The following ZNF682 variants were observed in gnomAD, a reference collection of about 807,000 sequenced individuals.
ZNF682 encodes zinc finger protein 682.
A neutral mutation model predicts 36.5 loss-of-function variants in ZNF682; 29 were observed. The observed-to-expected ratio is 0.80, with a 90% CI of 0.59 to 1.08. The LOEUF is 1.08. ZNF682 is among the 50% of genes least tolerant of loss of function. The probability of loss-of-function intolerance (pLI) is 0.00; values close to 1 mark genes in which losing one functional copy is unlikely to be tolerated. For missense variants in ZNF682, 561 were observed against 579.7 expected (o/e 0.97, Z 0.33); for synonymous variants, 180 against 197.0 (o/e 0.91, Z 0.72).
At chr19:20,010,662 AT>A (rs1238269350) in intron 3 of ZNF682, among the ~76,000 whole-genome samples, 1 of 151,924 alleles carries the variant, frequency 6.6e-6, no homozygotes, top group African/African-American at 2.4e-5. Flanking sequence ...GTCTCAAAAA[AT>A]ATATTAAAAA....
In ZNF682 at chr19:20,005,923, TTG is replaced by T; in HGVS notation, c.*80_*81del. On this transcript the variant is annotated 3_prime_UTR_variant, in exon 4 of 4. Coordinates refer to ENST00000397165, the MANE Select transcript of ZNF682 (RefSeq NM_033196.3). Reference sequence around the variant, plus strand: ...GTGTTTCTCTCCAGTATGAATTATCTTGTGATTTCAATGCCTTGAGCAAGATT... The same window carrying T: ...GTGTTTCTCTCCAGTATGAATTATCTTGATTTCAATGCCTTGAGCAAGATT... 7.6e-7 allele frequency: 1 copy of T among 1,318,642 alleles called. No individual in the cohort carries two copies. The highest frequency in any genetic ancestry group is 1.0e-6 in the Non-Finnish European group (1 of 957,090). 81.7% of individuals were successfully genotyped at this position (1,318,642 alleles called of 1,614,324 possible).
At chr19:20,002,630 T>C (rs1168057103), downstream of ZNF682, among the ~76,000 whole-genome samples, 5 of 152,136 alleles carry the variant, frequency 3.3e-5, no homozygotes, top group Non-Finnish European at 7.3e-5. Context: ...TATTAAATGG[T>C]GATGTCCTCA....
rs537422255 is a variant in ZNF682, at chr19:20,038,549, TG to T, written c.3+793del. Among the ~76,000 whole-genome samples, 94 of 150,728 alleles carry T rather than the reference TG, an allele frequency of 6.2e-4. 1 individual carries two copies. Among genetic ancestry groups the T allele is most frequent in the African/African-American group, 2.2e-3 (91 of 40,990 alleles). On this transcript the variant is annotated intron_variant, in intron 1 of 3. Coordinates refer to ENST00000397165, the MANE Select transcript of ZNF682 (RefSeq NM_033196.3). ...AAAATCCAAGAGAAAACCACTTCTG[TG>T]GAGTGTTAAATAAATAGCAGGCAGT...
chr19:20,001,526 C>G (rs1335389302), downstream of ZNF682, among the ~76,000 whole-genome samples: 2 of 152,138 alleles, frequency 1.3e-5, no homozygotes, highest in Admixed American at 6.5e-5. Flanking sequence ...CCTGGTATAA[C>G]ATCCTATTTC....
intron 1 of ZNF682, among the ~76,000 whole-genome samples, chr19:20,032,558 A>T (rs2088488488): frequency 6.6e-6 from 1 of 152,164 alleles, no homozygotes; most frequent in South Asian, 2.1e-4. Context: ...TCTAGGGTGA[A>T]GTCTGATGGG....
At chr19:20,028,870 A>G (rs1185443499) in intron 1 of ZNF682, among the ~76,000 whole-genome samples, 2 of 152,148 alleles carry the variant, frequency 1.3e-5, no homozygotes, top group East Asian at 3.9e-4. Context: ...AGATGACATA[A>G]TGTGAATTTA....
In ZNF682 at chr19:20,006,095, A is replaced by G. The variant is rs1327098418; in HGVS notation, c.1407T>C (p.Asn469=). The G allele has an allele frequency of 1.9e-6, 3 of 1,613,980 alleles. No individual in the cohort carries two copies. Among genetic ancestry groups the G allele is most frequent in the Non-Finnish European group, 2.5e-6 (3 of 1,180,010 alleles). The part of the protein sequence containing the change: ...GKAFKRCSHL[N]EHKRVQRGEK... ...CTCCTCTTTGAACTCTCTTATGTTC[A>G]TTAAGATGTGAGCACCGTTTAAAAG... The change falls in exon 4 of 4, where the codon AAT becomes AAC. Residue 469 remains asparagine (N), a synonymous_variant. Coordinates refer to ENST00000397165, the MANE Select transcript of ZNF682 (RefSeq NM_033196.3).
chr19:20,035,558 G>A (rs1269238426), intron 1 of ZNF682, among the ~76,000 whole-genome samples: 1 of 151,868 alleles, frequency 6.6e-6, no homozygotes, highest in Non-Finnish European at 1.5e-5. Context: ...AATATCTTAG[G>A]ATAAACAATT....
chr19:20,036,376 G>A (rs961582418), intron 1 of ZNF682, among the ~76,000 whole-genome samples: 17 of 95,568 alleles, frequency 1.8e-4, no homozygotes, highest in Non-Finnish European at 3.5e-4. Context: ...GGAGTGAAGT[G>A]GGCAGATCAC....
At chr19:20,031,132 C>T (rs2088475949) in intron 1 of ZNF682, 1 of 152,242 alleles carries the variant, frequency 6.6e-6, no homozygotes, top group South Asian at 2.1e-4. Flanking sequence ...ACAGAATAGA[C>T]AATAGAACTT....
intron 3 of ZNF682, among the ~76,000 whole-genome samples, chr19:20,021,499 A>G (rs967999876): frequency 3.3e-5 from 5 of 151,578 alleles, no homozygotes; most frequent in Admixed American, 3.3e-4. Context: ...AAAGAAAACA[A>G]AAAACAACAA....
chr19:20,022,164 G>A (rs1255780524), intron 3 of ZNF682, among the ~76,000 whole-genome samples: 21 of 137,796 alleles, frequency 1.5e-4, no homozygotes, highest in African/African-American at 5.5e-4. Flanking sequence ...GTGAAACTCC[G>A]TCGCAAAAAA....
At chr19:20,001,847 G>A (rs536411647), downstream of ZNF682, among the ~76,000 whole-genome samples, 1 of 152,252 alleles carries the variant, frequency 6.6e-6, no homozygotes, top group East Asian at 1.9e-4. Flanking sequence ...GAACTCACAA[G>A]CTTAATTACC....
downstream of ZNF682, among the ~76,000 whole-genome samples, chr19:20,004,256 G>A (rs535274940): frequency 2.0e-5 from 3 of 152,196 alleles, no homozygotes; most frequent in South Asian, 2.1e-4. Flanking sequence ...ATTCTCCAAC[G>A]TATTTGAAGT....
Position 20,039,464 on chromosome 19 carries a change from A to C in ZNF682, c.-119T>G. 1 of 1,365,748 alleles carries C rather than the reference A, an allele frequency of 7.3e-7. No homozygotes were observed. Among genetic ancestry groups the C allele is most frequent in the Non-Finnish European group, 1.0e-6 (1 of 987,554 alleles). 84.6% of individuals were successfully genotyped at this position (1,365,748 alleles called of 1,614,324 possible). ...CTACTAGAGCAGAGGATACTAAGCA[A>C]TGAAGATGGACCCTGAGCTCTGGCT... On this transcript the variant is annotated 5_prime_UTR_variant, in exon 1 of 4. Coordinates refer to ENST00000397165, the MANE Select transcript of ZNF682 (RefSeq NM_033196.3).
intron 3 of ZNF682, among the ~76,000 whole-genome samples, chr19:20,009,754 C>T (rs1281583345): frequency 6.6e-6 from 1 of 152,192 alleles, no homozygotes; most frequent in African/African-American, 2.4e-5. Context: ...GGTGCAGTGG[C>T]TCACGTCTGT....
chr19:19,997,216 G>C, exon 4 of ZNF682: 1 of 398,744 alleles, frequency 2.5e-6, no homozygotes, highest in East Asian at 3.6e-5. Context: ...CTCCAGGTCA[G>C]TTTCAAGAGG....
intron 1 of ZNF682, among the ~76,000 whole-genome samples, chr19:20,036,278 T>A (rs1316669478): frequency 6.6e-6 from 1 of 152,124 alleles, no homozygotes; most frequent in African/African-American, 2.4e-5. Context: ...CCCTTCTGTA[T>A]CTGTGACCCT....
chr19:20,006,046 AT>A lies in ZNF682; in HGVS notation c.1455del (p.Lys485AsnfsTer19), dbSNP rs1568536677. The A allele has an allele frequency of 6.2e-6, 10 of 1,607,384 alleles. No individual in the cohort carries two copies. The highest frequency in any genetic ancestry group is 8.5e-6 in the Non-Finnish European group (10 of 1,176,022). On this transcript the variant is annotated frameshift_variant, in exon 4 of 4. Coordinates refer to ENST00000397165, the MANE Select transcript of ZNF682 (RefSeq NM_033196.3). LOFTEE classifies it high-confidence loss of function. ...GAGCAGTGATTAAAAGCTTCCCCACATTTTTTATACTTGCAGGATTTCTCTC... is the reference window on the plus strand; with the variant it reads ...GAGCAGTGATTAAAAGCTTCCCCACATTTTTATACTTGCAGGATTTCTCTC... ...QRGEKSCKYK[K>X]CGEAFNHCSN...
Sources: gnomAD v4.1 joint callset for allele counts (sites outside exome capture counted in the v4.1 genomes callset) on GRCh38, gnomAD v4.1.1 for gene constraint, MANE v1.5 for transcripts, NCBI Gene and HGNC (gene_info 2026-07-23, HGNC 2026-07-21) for gene names.